Variants in PPP2R5C observed in about 807,000 individuals in gnomAD.
PPP2R5C encodes the protein protein phosphatase 2 regulatory subunit B'gamma.
Under a neutral mutation model 68.9 loss-of-function variants are expected in PPP2R5C, and 7 were observed. The observed-to-expected ratio is 0.10, with a 90% CI of 0.06 to 0.19. PPP2R5C has a LOEUF of 0.19. Ranked by LOEUF, PPP2R5C falls within the 10% of genes least tolerant of loss-of-function variation. The pLI, the probability that PPP2R5C is intolerant of heterozygous loss-of-function variation, is 1.00. For missense variants in PPP2R5C, 348 were observed against 641.3 expected (o/e 0.54, Z 4.94); for synonymous variants, 210 against 222.2 (o/e 0.95, Z 0.49).
In PPP2R5C at chr14:101,912,711, G is replaced by A. The variant is rs2046464765; in HGVS notation, c.1326+238G>A. 3.7e-6 allele frequency: 3 copies of A among 812,106 alleles called. No individual in the cohort carries two copies. The South Asian group carries it at 1.1e-4, about 30-fold the overall frequency. 50.3% of individuals were successfully genotyped at this position (812,106 alleles called of 1,614,324 possible). ...TTCCTCTGCTTTTTAAATAAGATCTGAATCTTATGCATATACTGTGGTAAA... is the reference window on the plus strand; with the variant it reads ...TTCCTCTGCTTTTTAAATAAGATCTAAATCTTATGCATATACTGTGGTAAA... On this transcript the variant is annotated intron_variant, in intron 12 of 13. Coordinates refer to ENST00000334743, the Ensembl canonical transcript of PPP2R5C.
chr14:101,761,018 A>AGGGGACGGGCTGGTCGAAGGGT (rs2036486653), upstream of PPP2R5C, among the ~76,000 whole-genome samples: 1 of 78,122 alleles, frequency 1.3e-5, no homozygotes, highest in African/African-American at 7.0e-5. Flanking sequence ...AGGGGAGGGC[A>AGGGGACGGGCTGGTCGAAGGGT]GGGGACGGGG....
intron 1 of PPP2R5C, among the ~76,000 whole-genome samples, chr14:101,823,444 C>T (rs1439127381): frequency 6.6e-6 from 1 of 152,128 alleles, no homozygotes; most frequent in African/African-American, 2.4e-5. Context: ...CCTAGAAGAC[C>T]AGTTTACTCG....
intron 8 of PPP2R5C, among the ~76,000 whole-genome samples, chr14:101,895,909 G>A (rs1056270693): frequency 6.6e-6 from 1 of 152,188 alleles, no homozygotes. Flanking sequence ...TTTCCACAGT[G>A]ACTGTCCCGT....
intron 1 of PPP2R5C, among the ~76,000 whole-genome samples, chr14:101,845,614 G>A (rs2041779171): frequency 6.6e-6 from 1 of 152,184 alleles, no homozygotes; most frequent in African/African-American, 2.4e-5. Context: ...TCATGAGAAA[G>A]GGATGATGGG....
chr14:101,831,101 G>A (rs1317234368), intron 1 of PPP2R5C, among the ~76,000 whole-genome samples: 1 of 152,108 alleles, frequency 6.6e-6, no homozygotes, highest in African/African-American at 2.4e-5. Context: ...CAGCTACATG[G>A]GGACATTAAC....
At chr14:101,890,091 C>T (rs776310785) in intron 5 of PPP2R5C, 146 bp from the exon 8 acceptor site, 1 of 761,006 alleles carries the variant, frequency 1.3e-6, no homozygotes, top group Non-Finnish European at 2.3e-6. Context: ...TCTTTGGTTC[C>T]TGAAGGGCTG....
upstream of PPP2R5C, among the ~76,000 whole-genome samples, chr14:101,761,581 G>C (rs1256941450): frequency 2.2e-5 from 3 of 136,644 alleles, no homozygotes; most frequent in African/African-American, 8.0e-5. Flanking sequence ...GCGGGGCCGG[G>C]CGCGGGGGTG....
intron 2 of PPP2R5C, among the ~76,000 whole-genome samples, chr14:101,874,965 C>T (rs1426030060): frequency 6.6e-6 from 1 of 152,178 alleles, no homozygotes; most frequent in Non-Finnish European, 1.5e-5. Flanking sequence ...GTCTTGAGCT[C>T]CTAACCTCAG....
At chr14:101,872,571 C>T (rs1002537694) in intron 2 of PPP2R5C, among the ~76,000 whole-genome samples, 1 of 152,098 alleles carries the variant, frequency 6.6e-6, no homozygotes, top group African/African-American at 2.4e-5. Flanking sequence ...GTATAGAATT[C>T]CGTGTCGACC....
chr14:101,881,847 G>A (rs1489476390), intron 2 of PPP2R5C, among the ~76,000 whole-genome samples: 1 of 152,150 alleles, frequency 6.6e-6, no homozygotes, highest in Non-Finnish European at 1.5e-5. Context: ...CCACTGGATA[G>A]TATAAGACCT....
chr14:101,854,692 C>G (rs907805919), intron 1 of PPP2R5C, among the ~76,000 whole-genome samples: 1 of 152,244 alleles, frequency 6.6e-6, no homozygotes, highest in Non-Finnish European at 1.5e-5. Flanking sequence ...GGCAGTGGGT[C>G]TCAGGGCCCC....
intron 7 of PPP2R5C, among the ~76,000 whole-genome samples, chr14:101,893,731 CAA>C (rs906789032): frequency 5.9e-5 from 9 of 152,316 alleles, no homozygotes; most frequent in South Asian, 2.1e-4. Flanking sequence ...GCCTGGGCAA[CAA>C]GAGTGAAACT....
chr14:101,780,415 G>A (rs1392398300), intron 2 of PPP2R5C, among the ~76,000 whole-genome samples: 1 of 152,164 alleles, frequency 6.6e-6, no homozygotes, highest in Non-Finnish European at 1.5e-5. Flanking sequence ...AGTCAACCAA[G>A]GGTGATTTTG....
intron 1 of PPP2R5C, among the ~76,000 whole-genome samples, chr14:101,847,863 A>G (rs2041932965): frequency 6.6e-6 from 1 of 151,986 alleles, no homozygotes. Flanking sequence ...GGGTTTCACC[A>G]TGTTGGCCAG....
Position 101,909,535 on chromosome 14 carries a change from G to A in PPP2R5C, c.1152-54G>A, listed in dbSNP as rs137948336. The A allele has an allele frequency of 4.7e-4, 603 of 1,270,438 alleles. 4 individuals carry two copies. The African/African-American group carries it at 7.6e-3, about 16-fold the overall frequency. 78.7% of individuals were successfully genotyped at this position (1,270,438 alleles called of 1,614,324 possible). A position where few individuals can be genotyped will look rare whatever the true frequency, so the allele number is the denominator to read the frequency against. On this transcript the variant is annotated intron_variant, in intron 10 of 13. Transcript: ENST00000334743. ...TGGAGCAGCCTGAGAGTGGAGAGGC[G>A]AGGGCTCAGCAGGAATGCGTGCTCC...
At chr14:101,922,153 A>G in intron 13 of PPP2R5C, 1 of 985,440 alleles carries the variant, frequency 1.0e-6, no homozygotes, top group Non-Finnish European at 1.2e-6. Context: ...CCTTTTGTCC[A>G]TGTCATTCCA....
chr14:101,795,265 C>T (rs1297090217), intron 3 of PPP2R5C, among the ~76,000 whole-genome samples: 2 of 152,220 alleles, frequency 1.3e-5, no homozygotes, highest in African/African-American at 4.8e-5. Flanking sequence ...ATTGTCTACA[C>T]ACTTTCCAGA....
At position 101,877,324 on chromosome 14, in the gene PPP2R5C, A is replaced by AG. The variant is rs2043846244; in HGVS notation, c.295-4836dup. Among the ~76,000 whole-genome samples, 1 of 152,046 alleles carries AG rather than the reference A, an allele frequency of 6.6e-6. No individual in the cohort carries two copies. The highest frequency in any genetic ancestry group is 1.5e-5 in the Non-Finnish European group (1 of 68,002). On this transcript the variant is annotated intron_variant, in intron 2 of 13. Transcript: ENST00000334743. This position sits in a 1 kb window ranked among gnomAD's most constrained non-coding sequence, Gnocchi z 4.2. ...TCTGAGGTCCTTCTTCTAGGTGGGA[A>AG]GAGGGTGTAGAGAGACTGTTTCCAT...
intron 1 of PPP2R5C, among the ~76,000 whole-genome samples, chr14:101,816,892 TTA>T (rs1229942715): frequency 1.6e-5 from 2 of 128,546 alleles, no homozygotes; most frequent in African/African-American, 6.5e-5. Flanking sequence ...TATATATATA[TTA>T]TATAAATATA....
Sources: gnomAD v4.1 joint callset for allele counts (sites outside exome capture counted in the v4.1 genomes callset) on GRCh38, gnomAD v4.1.1 for gene constraint, Gnocchi (gnomAD v3.1) non-coding constraint, MANE v1.5 for transcripts, NCBI Gene and HGNC (gene_info 2026-07-23, HGNC 2026-07-21) for gene names.